The following CWF19L2 variants were observed in gnomAD, a reference collection of about 807,000 sequenced individuals.
The protein encoded by CWF19L2 is CWF19 like cell cycle control factor 2.
Under a neutral mutation model 111.7 loss-of-function variants are expected in CWF19L2, and 98 were observed. The ratio of observed to expected loss-of-function variants is 0.88; its 90% CI spans 0.75 to 1.04. CWF19L2 has a LOEUF of 1.04. Ranked by LOEUF, CWF19L2 falls within the 50% of genes least tolerant of loss-of-function variation. CWF19L2 has a pLI of 0.00. For synonymous variants in CWF19L2, 351 were observed against 342.9 expected, an observed-to-expected ratio of 1.02 and a Z score of -0.26; for missense variants, 1,101 against 1,051.4, an observed-to-expected ratio of 1.05 and a Z score of -0.65.
Position 107,371,797 on chromosome 11 carries a change from T to C in CWF19L2, c.1873-18061A>G, listed in dbSNP as rs1847648393. Among the ~76,000 whole-genome samples, 2 of 136,776 alleles carry C rather than the reference T, an allele frequency of 1.5e-5. 1 individual carries two copies. Among genetic ancestry groups the C allele is most frequent in the African/African-American group, 5.9e-5 (2 of 34,030 alleles). 89.7% of individuals were successfully genotyped at this position (136,776 alleles called of 152,430 possible). On this transcript the variant is annotated intron_variant, in intron 12 of 17. Transcript: ENST00000282251. ...CGCAGCTCGGTCATTGCTGTCACCATTCTGACATTCTTAAAAAGTGATCTC... is the reference window on the plus strand; with the variant it reads ...CGCAGCTCGGTCATTGCTGTCACCACTCTGACATTCTTAAAAAGTGATCTC...
chr11:107,379,027 A>G (rs1860641455), intron 12 of CWF19L2, among the ~76,000 whole-genome samples: 1 of 152,144 alleles, frequency 6.6e-6, no homozygotes, highest in Non-Finnish European at 1.5e-5. Flanking sequence ...ACACAATGGT[A>G]TAGGAAATAC....
At chr11:107,377,944 C>A (rs1383701462) in intron 12 of CWF19L2, among the ~76,000 whole-genome samples, 3 of 151,770 alleles carry the variant, frequency 2.0e-5, no homozygotes, top group African/African-American at 7.3e-5. Flanking sequence ...ACCCCATCAA[C>A]AAGTGGGCGG....
At chr11:107,453,368 C>G (rs763989365) in intron 3 of CWF19L2, among the ~76,000 whole-genome samples, 2 of 152,058 alleles carry the variant, frequency 1.3e-5, no homozygotes, top group Admixed American at 6.5e-5. Flanking sequence ...CACCTCTCCC[C>G]CAACCCAAGG....
Position 107,429,207 on chromosome 11 carries a change from C to G in CWF19L2, c.1025G>C (p.Gly342Ala). 2 of 1,613,138 alleles carry G rather than the reference C, an allele frequency of 1.2e-6. No individual in the cohort carries two copies. ...TTCTCTTCTACACGTTTCTAAAGAC[C>G]CAGGTCTCTTATCTTTTTCATCACC... ...FIGDEKDKRP[G>A]SLETCRRESN... The change falls in exon 8 of 18, where the codon GGG becomes GCG. Residue 342 changes from glycine to alanine, a missense_variant. Transcript: ENST00000282251.
intron 10 of CWF19L2, among the ~76,000 whole-genome samples, chr11:107,407,926 C>G (rs1284454499): frequency 1.3e-5 from 2 of 152,010 alleles, no homozygotes; most frequent in African/African-American, 4.8e-5. Flanking sequence ...TATTCCATGA[C>G]TGAAGCCTAC....
In CWF19L2 at chr11:107,334,942, T is replaced by C; in HGVS notation, c.2378A>G (p.Asp793Gly). ...IYFKKAIMES[D>G]EEWSMNKKLI... Reference sequence around the variant, plus strand: ...CTTCTTGTTCATGGACCACTCTTCATCAGATTCCATTATGGCTTTCTAAGA... The same window carrying C: ...CTTCTTGTTCATGGACCACTCTTCACCAGATTCCATTATGGCTTTCTAAGA... Residue 793 changes from aspartate (D) to glycine (G), a missense_variant, in exon 16 of 18, where the codon GAT (aspartate) becomes GGT (glycine). Coordinates refer to ENST00000282251, the MANE Select transcript of CWF19L2 (RefSeq NM_152434.3). 6.2e-7 allele frequency: 1 copy of C among 1,603,082 alleles called. No homozygotes were observed. Among genetic ancestry groups the C allele is most frequent in the Non-Finnish European group, 8.5e-7 (1 of 1,170,558 alleles).
chr11:107,426,958 T>C (rs1591197720), intron 8 of CWF19L2, among the ~76,000 whole-genome samples: 1 of 152,034 alleles, frequency 6.6e-6, no homozygotes, highest in Non-Finnish European at 1.5e-5. Context: ...ATTCTTGTTT[T>C]ATACTCTTCT....
intron 12 of CWF19L2, among the ~76,000 whole-genome samples, chr11:107,356,241 T>C (rs954993127): frequency 6.6e-6 from 1 of 152,072 alleles, no homozygotes; most frequent in Non-Finnish European, 1.5e-5. Flanking sequence ...TAAAGCATAA[T>C]TTAGAGGGAA....
intron 7 of CWF19L2, among the ~76,000 whole-genome samples, chr11:107,431,927 C>T (rs1427484744): frequency 6.6e-6 from 1 of 151,984 alleles, no homozygotes; most frequent in Admixed American, 6.5e-5. Flanking sequence ...CTATTTCATA[C>T]CATGCACAAA....
In CWF19L2 at chr11:107,354,469, G is replaced by A. The variant is rs148352139; in HGVS notation, c.1873-733C>T. Among the ~76,000 whole-genome samples, 133 of 152,094 alleles carry A rather than the reference G, an allele frequency of 8.7e-4. 1 individual carries two copies. The East Asian group carries it at 0.013, about 15-fold the overall frequency. On this transcript the variant is annotated intron_variant, in intron 12 of 17. Transcript: ENST00000282251. The stretch of plus-strand genomic sequence containing the variant: ...CAATGGTTGTAACAATACTGCCTGC[G>A]TATCCCTTATCCAAATGCTTGGGAC...
chr11:107,338,230 T>C (rs940315826), intron 14 of CWF19L2, among the ~76,000 whole-genome samples: 5 of 152,116 alleles, frequency 3.3e-5, no homozygotes, highest in African/African-American at 1.2e-4. Flanking sequence ...TGCACCACCA[T>C]GGCCAGCTCC....
At chr11:107,376,276 C>T (rs1309774230) in intron 12 of CWF19L2, among the ~76,000 whole-genome samples, 1 of 89,322 alleles carries the variant, frequency 1.1e-5, no homozygotes, top group Admixed American at 1.1e-4. Flanking sequence ...AGGCCAGCAT[C>T]ATTCTGATAC....
intron 7 of CWF19L2, among the ~76,000 whole-genome samples, chr11:107,430,253 TG>T (rs564301829): frequency 7.7e-4 from 110 of 142,950 alleles, no homozygotes; most frequent in African/African-American, 2.7e-3. Flanking sequence ...AGGGAAGGAG[TG>T]AATAAGTGTG....
intron 6 of CWF19L2, 127 bp from the exon 7 acceptor site, chr11:107,433,876 A>C (rs2911792): frequency 7.7e-6 from 1 of 129,036 alleles, no homozygotes; most frequent in East Asian, 2.2e-4. Flanking sequence ...GTGCCTTTGG[A>C]ATTTTATATA....
intron 10 of CWF19L2, among the ~76,000 whole-genome samples, chr11:107,406,080 A>G (rs1260533298): frequency 6.6e-6 from 1 of 152,224 alleles, no homozygotes; most frequent in African/African-American, 2.4e-5. Context: ...TTGGTATAGC[A>G]GGCCTAGCAC....
chr11:107,336,515 A>G (rs1490606275), intron 15 of CWF19L2, 43 bp downstream of exon 15: 4 of 1,466,268 alleles, frequency 2.7e-6, no homozygotes, highest in Admixed American at 4.6e-5. Flanking sequence ...AAATAGCACT[A>G]TAGCAAAAAA....
intron 7 of CWF19L2, among the ~76,000 whole-genome samples, chr11:107,430,139 A>G (rs1861444781): frequency 6.6e-6 from 1 of 151,914 alleles, no homozygotes; most frequent in East Asian, 1.9e-4. Context: ...GACTCATCCA[A>G]TAGCCTTGGG....
chr11:107,350,004 A>G (rs1351068941), intron 13 of CWF19L2, among the ~76,000 whole-genome samples: 2 of 152,140 alleles, frequency 1.3e-5, no homozygotes, highest in African/African-American at 2.4e-5. Context: ...GACAGGTCAA[A>G]TAAGTTGTAA....
chr11:107,372,674 G>C lies in CWF19L2; in HGVS notation c.1872+17400C>G, dbSNP rs910502982. Among the ~76,000 whole-genome samples, 3 of 136,166 alleles carry C rather than the reference G, an allele frequency of 2.2e-5. 1 individual carries two copies. Among genetic ancestry groups the C allele is most frequent in the Non-Finnish European group, 4.7e-5 (3 of 63,884 alleles). The allele number at this position is 136,166 out of a possible 152,430, so 89.3% of individuals were successfully genotyped here. ...CTGGTTTCAGTGAGATAAGAGTTAA[G>C]AAAGAAGTGAAAGAGGATAAGAAGG... On this transcript the variant is annotated intron_variant, in intron 12 of 17. Transcript: ENST00000282251.
Sources: allele counts gnomAD v4.1 joint callset (sites outside exome capture counted in the v4.1 genomes callset), GRCh38; gene constraint gnomAD v4.1.1; transcripts MANE v1.5; gene names NCBI Gene and HGNC (gene_info 2026-07-23, HGNC 2026-07-21).